RTN1: variants seen among roughly 807,000 people sequenced by gnomAD.
The protein encoded by RTN1 is reticulon-1.
Under a neutral mutation model 65.5 loss-of-function variants are expected in RTN1, and 25 were observed. That is an observed-to-expected ratio of 0.38 (90% CI 0.28 to 0.53). The LOEUF (loss-of-function observed/expected upper bound fraction) is 0.53, where lower values mean the gene tolerates loss of function less well. RTN1 is among the 20% of genes least tolerant of loss of function. The pLI is 0.79. For missense variants in RTN1, 983 were observed against 1,025.4 expected (o/e 0.96, Z 0.57); for synonymous variants, 471 against 447.6 (o/e 1.05, Z -0.66).
At position 59,870,380 on chromosome 14, in the gene RTN1, C is replaced by A. The variant is rs1887875208; in HGVS notation, c.241+10G>T. The A allele has an allele frequency of 2.0e-6, 3 of 1,504,974 alleles. No individual in the cohort carries two copies. The highest frequency in any genetic ancestry group is 1.3e-5 in the South Asian group (1 of 78,812). The allele number at this position is 1,504,974 out of a possible 1,614,324, so 93.2% of individuals were successfully genotyped here. A position where few individuals can be genotyped will look rare whatever the true frequency, so the allele number is the denominator to read the frequency against. On this transcript the variant is annotated intron_variant, in intron 1 of 8. Transcript: ENST00000267484. This position sits in a 1 kb window ranked among gnomAD's most constrained non-coding sequence, Gnocchi z 5.1. Reference sequence around the variant, plus strand: ...CGACGCCATTTGAGGGGCAGCGGCGCCCGCCTTACCTGTGGATGCAGTTTC... The same window carrying A: ...CGACGCCATTTGAGGGGCAGCGGCGACCGCCTTACCTGTGGATGCAGTTTC...
At chr14:59,713,840 C>T (rs139479467) in intron 3 of RTN1, among the ~76,000 whole-genome samples, 24 of 152,238 alleles carry the variant, frequency 1.6e-4, no homozygotes, top group African/African-American at 5.5e-4. Context: ...ATTACCATAC[C>T]AGTAATTCCA....
At chr14:59,610,147 G>A in intron 3 of RTN1, 1 of 774,950 alleles carries the variant, frequency 1.3e-6, no homozygotes, top group South Asian at 1.4e-5. Context: ...TGCCCTCTAG[G>A]GAAGCCTCCT....
intron 1 of RTN1, among the ~76,000 whole-genome samples, chr14:59,780,984 A>G (rs552056828): frequency 3.9e-5 from 6 of 152,276 alleles, no homozygotes; most frequent in African/African-American, 1.4e-4. Context: ...AGGGCATGGC[A>G]CCTGCATAGA....
chr14:59,847,053 T>C (rs1887423570), intron 1 of RTN1, among the ~76,000 whole-genome samples: 1 of 152,238 alleles, frequency 6.6e-6, no homozygotes, highest in East Asian at 1.9e-4. Context: ...GCCTTCCCTA[T>C]GCTTCATCTT....
chr14:59,853,613 G>A (rs1408889676), intron 1 of RTN1, among the ~76,000 whole-genome samples: 1 of 152,084 alleles, frequency 6.6e-6, no homozygotes, highest in East Asian at 1.9e-4. Context: ...CATCTTAAGG[G>A]TTGAAACAAG....
chr14:59,814,107 T>G (rs150380031), intron 1 of RTN1, among the ~76,000 whole-genome samples: 1 of 152,194 alleles, frequency 6.6e-6, no homozygotes, highest in East Asian at 1.9e-4. Flanking sequence ...CTTATAGATT[T>G]GCTCTCATGC....
intron 3 of RTN1, among the ~76,000 whole-genome samples, chr14:59,627,438 G>A (rs190728473): frequency 6.6e-6 from 1 of 152,264 alleles, no homozygotes; most frequent in East Asian, 1.9e-4. Flanking sequence ...AGGTTTTGTG[G>A]GGACTAAATG....
At chr14:59,664,785 T>C (rs538138810) in intron 3 of RTN1, among the ~76,000 whole-genome samples, 4 of 152,336 alleles carry the variant, frequency 2.6e-5, no homozygotes, top group African/African-American at 4.8e-5. Context: ...CTGACTATTA[T>C]AACTGCTGTG....
Position 59,868,437 on chromosome 14 carries a change from G to T in RTN1, c.241+1953C>A, listed in dbSNP as rs951423379. On this transcript the variant is annotated intron_variant, in intron 1 of 8. Coordinates refer to ENST00000267484, the MANE Select transcript of RTN1 (RefSeq NM_021136.3). The surrounding 1 kb of genome is among the most constrained non-coding windows in gnomAD (Gnocchi z 4.0). ...CCCCAAACACATTCAATAAAGCAAGGTATTTCTATAATAATAATACTAAAA... is the reference window on the plus strand; with the variant it reads ...CCCCAAACACATTCAATAAAGCAAGTTATTTCTATAATAATAATACTAAAA... 6.6e-6 allele frequency among the ~76,000 whole-genome samples: 1 copy of T among 152,032 alleles called. No individual in the cohort carries two copies. Among genetic ancestry groups the T allele is most frequent in the African/African-American group, 2.4e-5 (1 of 41,380 alleles).
At chr14:59,602,368 G>A (rs1881606642) in intron 8 of RTN1, among the ~76,000 whole-genome samples, 1 of 152,054 alleles carries the variant, frequency 6.6e-6, no homozygotes, top group Non-Finnish European at 1.5e-5. Flanking sequence ...TGCAATATAA[G>A]AGCTATCACT....
intron 3 of RTN1, among the ~76,000 whole-genome samples, chr14:59,670,001 G>A (rs77029907): frequency 0.018 from 2,712 of 152,206 alleles, 73 homozygotes; most frequent in African/African-American, 0.061. Context: ...TTATTTGAAG[G>A]TCATCATTGA....
chr14:59,695,615 T>G (rs1190813969), intron 3 of RTN1, among the ~76,000 whole-genome samples: 2 of 152,136 alleles, frequency 1.3e-5, no homozygotes, highest in African/African-American at 4.8e-5. Context: ...GAAAGACTAC[T>G]TCTCATTGTA....
At chr14:59,819,262 G>A (rs1886878984) in intron 1 of RTN1, among the ~76,000 whole-genome samples, 2 of 151,856 alleles carry the variant, frequency 1.3e-5, no homozygotes, top group African/African-American at 4.8e-5. Flanking sequence ...CCACATTATG[G>A]AAGGGGTTCC....
In RTN1 at chr14:59,727,141, C is replaced by A. The variant is rs1285579538; in HGVS notation, c.1543G>T (p.Gly515Cys). The change falls in exon 3 of 9, where the codon GGC (glycine) becomes TGC (cysteine). Residue 515 changes from glycine (G) to cysteine (C), a missense_variant. By Grantham distance (159) the Gly-to-Cys change is radical. Coordinates refer to ENST00000267484, the MANE Select transcript of RTN1 (RefSeq NM_021136.3). The surrounding 1 kb of genome is among the most constrained non-coding windows in gnomAD (Gnocchi z 4.2). ...AGGAAGGAACCCGGCTCGGCCAGGCCCCGCCGGCTTGGCGCACGCTCCTCG... is the reference window on the plus strand; with the variant it reads ...AGGAAGGAACCCGGCTCGGCCAGGCACCGCCGGCTTGGCGCACGCTCCTCG... ...RAEERAPSRR[G>C]LAEPGSFLDY... The A allele has an allele frequency of 6.2e-7, 1 of 1,602,894 alleles. No homozygotes were observed. Among genetic ancestry groups the A allele is most frequent in the African/African-American group, 1.3e-5 (1 of 74,792 alleles).
intron 1 of RTN1, among the ~76,000 whole-genome samples, chr14:59,867,177 T>C (rs1887813757): frequency 6.6e-6 from 1 of 152,208 alleles, no homozygotes; most frequent in Non-Finnish European, 1.5e-5. Context: ...AGATGTTCTA[T>C]TTAAAATTCT....
intron 1 of RTN1, among the ~76,000 whole-genome samples, chr14:59,748,628 T>A (rs1316482159): frequency 3.3e-5 from 5 of 152,134 alleles, no homozygotes; most frequent in Non-Finnish European, 7.4e-5. Flanking sequence ...ATATGTTTTA[T>A]GCATCGATTG....
intron 3 of RTN1, among the ~76,000 whole-genome samples, chr14:59,725,560 C>T (rs988178246): frequency 6.6e-6 from 1 of 152,148 alleles, no homozygotes; most frequent in South Asian, 2.1e-4. Context: ...ACATTCCCAC[C>T]GTTAAATTTG....
chr14:59,626,675 C>T (rs555447031), intron 3 of RTN1, among the ~76,000 whole-genome samples: 3 of 152,290 alleles, frequency 2.0e-5, no homozygotes, highest in East Asian at 1.9e-4. Context: ...AACCCAGTTA[C>T]GTCCTGGGGC....
rs184884985 is a variant in RTN1 at position 59,710,124 on chromosome 14, C to G, written c.1765+16795G>C. Among the ~76,000 whole-genome samples the G allele has an allele frequency of 2.0e-5, 3 of 151,220 alleles. No individual in the cohort carries two copies. The South Asian group carries it at 6.2e-4, about 31-fold the overall frequency. On this transcript the variant is annotated intron_variant, in intron 3 of 8. Coordinates refer to ENST00000267484, the MANE Select transcript of RTN1 (RefSeq NM_021136.3). The stretch of plus-strand genomic sequence containing the variant: ...GTGGCACGATCTCAGCTCACTGAAG[C>G]CTTACCCTCCCAGGCTCAAGTGATC...
Sources: gnomAD v4.1 joint callset for allele counts (sites outside exome capture counted in the v4.1 genomes callset) on GRCh38, gnomAD v4.1.1 for gene constraint, Gnocchi (gnomAD v3.1) non-coding constraint, MANE v1.5 for transcripts, NCBI Gene and HGNC (gene_info 2026-07-23, HGNC 2026-07-21) for gene names.